CADM2: variants seen among roughly 807,000 people sequenced by gnomAD.
The protein encoded by CADM2 is immunoglobulin superfamily member 4D.
In CADM2, 12 loss-of-function variants were observed where a neutral mutation model predicts 49.8. That is an observed-to-expected ratio of 0.24 (90% CI 0.15 to 0.39). The LOEUF (loss-of-function observed/expected upper bound fraction) is 0.39. Ranked by LOEUF, CADM2 falls within the 10% of genes least tolerant of loss-of-function variation. CADM2 has a pLI of 1.00. For synonymous variants in CADM2, 214 were observed against 175.4 expected (o/e 1.22, Z -1.74); for missense variants, 378 against 492.3 (o/e 0.77, Z 2.20).
At chr3:85,071,975 A>AAT (rs1279571442) in intron 1 of CADM2, among the ~76,000 whole-genome samples, 8 of 150,470 alleles carry the variant, frequency 5.3e-5, no homozygotes, top group Non-Finnish European at 8.9e-5. Flanking sequence ...ATATAATACA[A>AAT]ATATATATAT....
At chr3:85,663,585 A>G (rs2065475347) in intron 1 of CADM2, among the ~76,000 whole-genome samples, 1 of 152,034 alleles carries the variant, frequency 6.6e-6, no homozygotes, top group Non-Finnish European at 1.5e-5. Context: ...AGCTGTGACT[A>G]GCAAAGACCA....
intron 3 of CADM2, among the ~76,000 whole-genome samples, chr3:85,823,069 A>G (rs1393446599): frequency 3.3e-5 from 5 of 152,170 alleles, no homozygotes; most frequent in Non-Finnish European, 7.4e-5. Flanking sequence ...TCCAACCTAC[A>G]TATTTAAAAC....
At chr3:86,042,503 C>T (rs1174272485) in intron 8 of CADM2, among the ~76,000 whole-genome samples, 6 of 152,148 alleles carry the variant, frequency 3.9e-5, no homozygotes, top group Admixed American at 6.5e-5. Flanking sequence ...TTCCTTGACA[C>T]ATACACCCTC....
intron 1 of CADM2, among the ~76,000 whole-genome samples, chr3:85,149,399 C>A (rs1194351064): frequency 2.0e-5 from 3 of 152,026 alleles, no homozygotes; most frequent in African/African-American, 7.2e-5. Flanking sequence ...GCTTTTATAG[C>A]AGCAAAAATG....
At chr3:85,290,281 G>A (rs1391479924) in intron 1 of CADM2, among the ~76,000 whole-genome samples, 1 of 152,182 alleles carries the variant, frequency 6.6e-6, no homozygotes, top group African/African-American at 2.4e-5. Context: ...CTGGCTCGGA[G>A]GGTCCTACGC....
At chr3:85,196,604 G>A (rs1329393484) in intron 1 of CADM2, among the ~76,000 whole-genome samples, 1 of 151,956 alleles carries the variant, frequency 6.6e-6, no homozygotes, top group Non-Finnish European at 1.5e-5. Context: ...ATAAAGCAGA[G>A]TCTTGATTTC....
At chr3:85,786,705 C>T (rs2071009730) in intron 2 of CADM2, among the ~76,000 whole-genome samples, 1 of 151,822 alleles carries the variant, frequency 6.6e-6, no homozygotes. Context: ...AAATATGTGC[C>T]CACCATGTCT....
intron 1 of CADM2, among the ~76,000 whole-genome samples, chr3:85,509,794 T>G (rs1396706455): frequency 3.3e-5 from 5 of 152,100 alleles, no homozygotes; most frequent in Non-Finnish European, 7.4e-5. Context: ...TACTGCTTCC[T>G]GAACACAGTT....
chr3:85,359,664 ATATTTT>A (rs1482088422), intron 1 of CADM2, among the ~76,000 whole-genome samples: 2 of 30,028 alleles, frequency 6.7e-5, no homozygotes, highest in South Asian at 2.2e-3. Flanking sequence ...ATATATATAT[ATATTTT>A]TTTTTTTGGT....
chr3:85,017,992 T>C (rs1038600037), intron 1 of CADM2, among the ~76,000 whole-genome samples: 1 of 152,194 alleles, frequency 6.6e-6, no homozygotes, highest in African/African-American at 2.4e-5. Context: ...TGGCCATATT[T>C]GATTACATAA....
intron 1 of CADM2, among the ~76,000 whole-genome samples, chr3:85,426,126 GCTAT>G (rs971072367): frequency 7.5e-6 from 1 of 134,084 alleles, no homozygotes; most frequent in Non-Finnish European, 1.6e-5. Context: ...CTGATTTCAG[GCTAT>G]CTTTTTTTTT....
intron 1 of CADM2, among the ~76,000 whole-genome samples, chr3:85,310,511 A>G (rs918612116): frequency 3.9e-5 from 6 of 152,188 alleles, no homozygotes; most frequent in African/African-American, 1.4e-4. Flanking sequence ...CTCTGCAACC[A>G]GGGTCATGTT....
At chr3:85,098,900 T>G (rs964301415) in intron 1 of CADM2, among the ~76,000 whole-genome samples, 2 of 152,220 alleles carry the variant, frequency 1.3e-5, no homozygotes, top group Non-Finnish European at 2.9e-5. Flanking sequence ...AACAGTTTCC[T>G]ACACACTGCT....
intron 1 of CADM2, among the ~76,000 whole-genome samples, chr3:85,386,118 T>G (rs1244628608): frequency 6.6e-6 from 1 of 152,190 alleles, no homozygotes; most frequent in Non-Finnish European, 1.5e-5. Flanking sequence ...CTTGCCATCG[T>G]ACTCACTAGG....
At chr3:85,825,013 A>G (rs1251887516) in intron 3 of CADM2, among the ~76,000 whole-genome samples, 1 of 152,014 alleles carries the variant, frequency 6.6e-6, no homozygotes, top group Admixed American at 6.6e-5. Flanking sequence ...GATAAATGTG[A>G]GGAGAAGGGT....
intron 7 of CADM2, among the ~76,000 whole-genome samples, chr3:85,947,368 T>A (rs1464886953): frequency 6.6e-6 from 1 of 151,542 alleles, no homozygotes; most frequent in Non-Finnish European, 1.5e-5. Context: ...ATACAGAGCA[T>A]TTAGATTGGG....
intron 1 of CADM2, among the ~76,000 whole-genome samples, chr3:85,410,215 T>A (rs954653071): frequency 6.6e-6 from 1 of 152,192 alleles, no homozygotes; most frequent in Non-Finnish European, 1.5e-5. Context: ...CATATGCATA[T>A]CGCCACTAAG....
chr3:85,485,667 T>C (rs1409783070), intron 1 of CADM2, among the ~76,000 whole-genome samples: 1 of 152,074 alleles, frequency 6.6e-6, no homozygotes, highest in Non-Finnish European at 1.5e-5. Flanking sequence ...CATAATTATA[T>C]TTTACTAACA....
At chr3:85,901,024 CT>C (rs113380767) in intron 5 of CADM2, among the ~76,000 whole-genome samples, 2,548 of 152,156 alleles carry the variant, frequency 0.017, 55 homozygotes, top group East Asian at 0.047. Flanking sequence ...ATTGATTACC[CT>C]GTGTCTATGA....
Sources: gnomAD v4.1 joint callset for allele counts (sites outside exome capture counted in the v4.1 genomes callset) on GRCh38, gnomAD v4.1.1 for gene constraint, MANE v1.5 for transcripts, NCBI Gene and HGNC (gene_info 2026-07-23, HGNC 2026-07-21) for gene names.